FAM124A: variants seen among roughly 807,000 people sequenced by gnomAD.
FAM124A encodes the protein family with sequence similarity 124 member A.
In FAM124A, 23 loss-of-function variants were observed where a neutral mutation model predicts 24.5. That is an observed-to-expected ratio of 0.94 (90% confidence interval 0.68 to 1.33). The LOEUF (loss-of-function observed/expected upper bound fraction) is 1.33, where lower values mean the gene tolerates loss of function less well. Ranked by LOEUF, FAM124A falls within the 40% of genes most tolerant of loss-of-function variation. The probability of loss-of-function intolerance (pLI) is 0.00; values close to 1 mark genes in which losing one functional copy is unlikely to be tolerated. For synonymous variants in FAM124A, 287 were observed against 314.7 expected (o/e 0.91, Z 0.93); for missense variants, 623 against 722.8 (o/e 0.86, Z 1.58).
At chr13:51,229,647 G>T (rs1011761188) in intron 1 of FAM124A, among the ~76,000 whole-genome samples, 3 of 152,172 alleles carry the variant, frequency 2.0e-5, no homozygotes, top group Non-Finnish European at 2.9e-5. Flanking sequence ...ATTGTGTGTT[G>T]TATTTGAATA....
At chr13:51,278,565 C>T (rs569247173) in intron 3 of FAM124A, among the ~76,000 whole-genome samples, 1 of 152,306 alleles carries the variant, frequency 6.6e-6, no homozygotes, top group South Asian at 2.1e-4. Flanking sequence ...GCACCTGCCT[C>T]CTGCTGCCAC....
In FAM124A at chr13:51,251,754, C is replaced by A; in HGVS notation, c.387C>A (p.Arg129=). The change falls in exon 3 of 4, where the codon CGC becomes CGA. Residue 129 remains arginine, a synonymous_variant. Transcript: ENST00000322475. This position sits in a 1 kb window ranked among gnomAD's most constrained non-coding sequence, Gnocchi z 5.3. ...GCACACTGCAGCAGCCGCCCTGGCG[C>A]CACCACCACACCGAGCAGGTGCACG... ...LHRTLQQPPW[R]HHHTEQVHGR... The A allele has an allele frequency of 6.3e-7, 1 of 1,586,466 alleles. No individual in the cohort carries two copies.
chr13:51,275,333 G>A (rs912420972), intron 3 of FAM124A, among the ~76,000 whole-genome samples: 2 of 152,212 alleles, frequency 1.3e-5, no homozygotes, highest in African/African-American at 2.4e-5. Context: ...AGCTATAATC[G>A]TGCCACTGCA....
At chr13:51,224,258 C>T (rs900676665) in intron 1 of FAM124A, among the ~76,000 whole-genome samples, 8 of 152,210 alleles carry the variant, frequency 5.3e-5, no homozygotes, top group Non-Finnish European at 1.0e-4. Flanking sequence ...CACCTGAGGT[C>T]GGGAGTTTGA....
intron 2 of FAM124A, among the ~76,000 whole-genome samples, chr13:51,238,668 A>T (rs1329721323): frequency 1.3e-5 from 2 of 152,194 alleles, no homozygotes; most frequent in African/African-American, 4.8e-5. Context: ...CTGTTGGACC[A>T]TGGAAGTGGC....
intron 3 of FAM124A, among the ~76,000 whole-genome samples, chr13:51,261,723 G>T (rs1190364719): frequency 2.0e-5 from 3 of 152,194 alleles, no homozygotes; most frequent in African/African-American, 7.2e-5. Flanking sequence ...GAGGTTTGGT[G>T]GGAGATCTGG....
chr13:51,248,122 G>A (rs1484415009), intron 2 of FAM124A, among the ~76,000 whole-genome samples: 1 of 152,194 alleles, frequency 6.6e-6, no homozygotes, highest in Non-Finnish European at 1.5e-5. Context: ...GCAACACAAA[G>A]ATCCAGTTGC....
intron 3 of FAM124A, among the ~76,000 whole-genome samples, chr13:51,264,893 C>A (rs1037263218): frequency 6.6e-6 from 1 of 152,198 alleles, no homozygotes; most frequent in Admixed American, 6.5e-5. Flanking sequence ...TGCTAAGAAT[C>A]ATTTTTCCTG....
chr13:51,227,230 A>G (rs1385195947), intron 1 of FAM124A: 1 of 152,194 alleles, frequency 6.6e-6, no homozygotes, highest in Non-Finnish European at 1.5e-5. Context: ...CACTATTCTA[A>G]TAATTATATT....
intron 2 of FAM124A, chr13:51,245,497 G>A (rs763768641): frequency 1.1e-5 from 5 of 452,536 alleles, no homozygotes; most frequent in East Asian, 3.4e-5. Flanking sequence ...TCTACAGCTC[G>A]AATTTTCAGA....
chr13:51,250,555 T>A (rs919724772), intron 2 of FAM124A, among the ~76,000 whole-genome samples: 3 of 152,198 alleles, frequency 2.0e-5, no homozygotes, highest in Non-Finnish European at 4.4e-5. Context: ...ACTTCATGCT[T>A]GGAATTCAAC....
intron 2 of FAM124A, among the ~76,000 whole-genome samples, chr13:51,246,806 C>G (rs1170303574): frequency 6.6e-6 from 1 of 152,230 alleles, no homozygotes; most frequent in African/African-American, 2.4e-5. Flanking sequence ...TCAGGGAAAC[C>G]TTTGTGTAAC....
chr13:51,253,102 G>C (rs1241470479), intron 3 of FAM124A: 1 of 152,156 alleles, frequency 6.6e-6, no homozygotes, highest in Non-Finnish European at 1.5e-5. Context: ...TTGTTTTTCT[G>C]AAAAGCCTCT....
At chr13:51,268,985 C>T (rs928056573) in intron 3 of FAM124A, among the ~76,000 whole-genome samples, 1 of 152,208 alleles carries the variant, frequency 6.6e-6, no homozygotes, top group Non-Finnish European at 1.5e-5. Flanking sequence ...CAAACACATG[C>T]AGAGCCAATG....
intron 1 of FAM124A, among the ~76,000 whole-genome samples, chr13:51,230,030 G>T (rs1954358493): frequency 6.6e-6 from 1 of 152,016 alleles, no homozygotes; most frequent in Non-Finnish European, 1.5e-5. Flanking sequence ...CCTGGCCTCT[G>T]TACAGATAGT....
intron 3 of FAM124A, among the ~76,000 whole-genome samples, chr13:51,271,663 C>T (rs1276979163): frequency 6.6e-6 from 1 of 152,096 alleles, no homozygotes; most frequent in Admixed American, 6.5e-5. Flanking sequence ...AAAGTACCGG[C>T]CCACGTAATA....
At chr13:51,225,971 GCTTT>G (rs1954311210) in intron 1 of FAM124A, among the ~76,000 whole-genome samples, 7 of 90,024 alleles carry the variant, frequency 7.8e-5, no homozygotes, top group African/African-American at 1.2e-4. Context: ...TTGCTTGCTT[GCTTT>G]CTTTTTTTTT....
intron 1 of FAM124A, 87 bp downstream of exon 1, chr13:51,222,656 G>A: frequency 1.2e-5 from 14 of 1,161,290 alleles, no homozygotes; most frequent in Non-Finnish European, 1.4e-5. Flanking sequence ...CTCCTGATCC[G>A]TGCGACGGGA....
chr13:51,227,824 C>T (rs1158493120), intron 1 of FAM124A, among the ~76,000 whole-genome samples: 2 of 152,304 alleles, frequency 1.3e-5, no homozygotes, highest in African/African-American at 4.8e-5. Flanking sequence ...CCATACCATG[C>T]CCTGTTTCTT....
Sources: gnomAD v4.1 joint callset for allele counts (sites outside exome capture counted in the v4.1 genomes callset) on GRCh38, gnomAD v4.1.1 for gene constraint, Gnocchi (gnomAD v3.1) non-coding constraint, MANE v1.5 for transcripts, NCBI Gene and HGNC (gene_info 2026-07-23, HGNC 2026-07-21) for gene names.